The following CUX1 variants were observed in gnomAD, a reference collection of about 807,000 sequenced individuals.
CUX1 encodes protein CASP.
A neutral mutation model predicts 158.8 loss-of-function variants in CUX1; 31 were observed. That is an observed-to-expected ratio of 0.20 (90% CI 0.15 to 0.26). The LOEUF (loss-of-function observed/expected upper bound fraction) is 0.26. Among genes scored for constraint, CUX1 ranks in the 10% least tolerant of loss-of-function variants. The pLI is 1.00. For synonymous variants in CUX1, 879 were observed against 862.1 expected, an observed-to-expected ratio of 1.02 and a Z score of -0.34; for missense variants, 1,589 against 2,014.6, an observed-to-expected ratio of 0.79 and a Z score of 4.04.
intron 11 of CUX1, among the ~76,000 whole-genome samples, chr7:102,182,480 C>CTGGTATCCTTG (rs1259112278): frequency 6.6e-6 from 1 of 152,228 alleles, no homozygotes; most frequent in Admixed American, 6.5e-5. Context: ...TACCAGACAG[C>CTGGTATCCTTG]TGCACATCTT....
chr7:101,984,109 T>TAC lies in CUX1; in HGVS notation c.142-43988_142-43987insCA, dbSNP rs1813906608. On this transcript the variant is annotated intron_variant, in intron 2 of 23. Coordinates refer to ENST00000292535, the MANE Select transcript of CUX1 (RefSeq NM_181552.4). ...AAAAAAATATATATATATATATATATATATATATATATATATATATACACA... is the reference window on the plus strand; with the variant it reads ...AAAAAAATATATATATATATATATATACATATATATATATATATATATACACA... 1.5e-4 allele frequency among the ~76,000 whole-genome samples: 6 copies of TAC among 39,944 alleles called. 1 individual carries two copies. Among genetic ancestry groups the TAC allele is most frequent in the African/African-American group, 5.6e-4 (6 of 10,802 alleles). 26.2% of individuals were successfully genotyped at this position (39,944 alleles called of 152,430 possible). A position where few individuals can be genotyped will look rare whatever the true frequency, so the allele number is the denominator to read the frequency against.
chr7:101,820,061 A>C (rs942835864), intron 1 of CUX1, among the ~76,000 whole-genome samples: 62 of 152,236 alleles, frequency 4.1e-4, no homozygotes, highest in African/African-American at 1.2e-3. Context: ...ATCAGGGTTT[A>C]TATGGGAGCT....
chr7:102,242,205 C>CTTTTTTT (rs67514665), intron 23 of CUX1, among the ~76,000 whole-genome samples: 170 of 92,934 alleles, frequency 1.8e-3, no homozygotes, highest in East Asian at 3.5e-3. Flanking sequence ...TTCTTTCTTT[C>CTTTTTTT]TTTTTTTTTT....
intron 1 of CUX1, among the ~76,000 whole-genome samples, chr7:101,907,716 A>G (rs1278594096): frequency 6.6e-6 from 1 of 152,108 alleles, no homozygotes; most frequent in Non-Finnish European, 1.5e-5. Flanking sequence ...CTTTAAATGG[A>G]GCCCACGAAG....
intron 1 of CUX1, among the ~76,000 whole-genome samples, chr7:101,839,230 G>T (rs1053362176): frequency 2.0e-5 from 3 of 152,190 alleles, no homozygotes; most frequent in African/African-American, 7.2e-5. Context: ...AGTTCAGTCC[G>T]TAGCAGCACC....
chr7:102,248,837 C>T lies in CUX1; in HGVS notation c.4313C>T (p.Ala1438Val), dbSNP rs782771255. The T allele has an allele frequency of 4.1e-6, 5 of 1,219,004 alleles. No individual in the cohort carries two copies. Among genetic ancestry groups the T allele is most frequent in the Non-Finnish European group, 4.1e-6 (4 of 973,532 alleles). 75.5% of individuals were successfully genotyped at this position (1,219,004 alleles called of 1,614,324 possible). The change falls in exon 24 of 24, where the codon GCG (alanine) becomes GTG (valine). Residue 1438 changes from alanine to valine, a missense_variant. By Grantham distance (64) the Ala-to-Val change is moderately conservative. Transcript: ENST00000292535. This position sits in a 1 kb window ranked among gnomAD's most constrained non-coding sequence, Gnocchi z 5.8. ...GAGGGCCCCGCGGCCCCGAGCTCCGCGCCGCCGCCCAGCAACAGCAGCAGC... is the reference window on the plus strand; with the variant it reads ...GAGGGCCCCGCGGCCCCGAGCTCCGTGCCGCCGCCCAGCAACAGCAGCAGC... ...PGEGPAAPSSAPPPSNSSSSS... is the reference protein window; with the variant it reads ...PGEGPAAPSSVPPPSNSSSSS...
chr7:102,281,986 A>G, intron 21 of CUX1: 2 of 1,154,064 alleles, frequency 1.7e-6, no homozygotes, highest in Non-Finnish European at 2.6e-6. Context: ...CCAGGGCAGC[A>G]GGGGCCTGTT....
chr7:102,255,477 ACT>A lies in CUX1; in HGVS notation c.*6438_*6439del. ...ACTTCCCCCATGCCCCCGTTCTTAA[ACT>A]CTTAAGATGCCTTTGAGTTGCTTTT... On this transcript the variant is annotated 3_prime_UTR_variant, in exon 24 of 24. Coordinates refer to ENST00000292535, the MANE Select transcript of CUX1 (RefSeq NM_181552.4). The A allele has an allele frequency of 1.0e-6, 1 of 984,942 alleles. No homozygotes were observed. 61.0% of individuals were successfully genotyped at this position (984,942 alleles called of 1,614,324 possible). A position where few individuals can be genotyped will look rare whatever the true frequency, so the allele number is the denominator to read the frequency against.
rs376965596 is a variant in CUX1 at position 102,081,659 on chromosome 7, G to A, written c.268+11242G>A. ...TTTCTTTTTTGTTTTTTTTGAGATG[G>A]AGTCTCACCATCGCCCAAGCTGGAG... On this transcript the variant is annotated intron_variant, in intron 4 of 23. Transcript: ENST00000292535. 2.9e-4 allele frequency among the ~76,000 whole-genome samples: 42 copies of A among 146,074 alleles called. 1 individual carries two copies. The highest frequency in any genetic ancestry group is 8.8e-4 in the African/African-American group (36 of 40,940).
At chr7:102,016,903 T>G (rs1818662748) in intron 2 of CUX1, among the ~76,000 whole-genome samples, 1 of 152,192 alleles carries the variant, frequency 6.6e-6, no homozygotes, top group African/African-American at 2.4e-5. Context: ...GTGGCAAAAG[T>G]CGGAGTCACA....
intron 8 of CUX1, among the ~76,000 whole-genome samples, chr7:102,116,192 C>T (rs1258203001): frequency 1.3e-5 from 2 of 152,166 alleles, no homozygotes; most frequent in Non-Finnish European, 2.9e-5. Context: ...CCCTCTGCCC[C>T]ATCTCACGTG....
intron 20 of CUX1, among the ~76,000 whole-genome samples, chr7:102,222,232 C>A (rs1797875722): frequency 6.6e-6 from 1 of 152,118 alleles, no homozygotes; most frequent in Admixed American, 6.6e-5. Context: ...GAACCATGAT[C>A]ACACCACTGC....
chr7:102,016,398 A>T (rs1395212725), intron 2 of CUX1, among the ~76,000 whole-genome samples: 1 of 152,232 alleles, frequency 6.6e-6, no homozygotes, highest in Non-Finnish European at 1.5e-5. Context: ...GTCTCTGCTC[A>T]TGATTGAAGG....
intron 3 of CUX1, among the ~76,000 whole-genome samples, chr7:102,033,052 G>A (rs1269794597): frequency 1.3e-5 from 2 of 152,290 alleles, no homozygotes; most frequent in African/African-American, 2.4e-5. Flanking sequence ...CTTGGTAGTG[G>A]GGGACAAGTG....
chr7:102,085,039 T>C (rs1186274819), intron 4 of CUX1, among the ~76,000 whole-genome samples: 1 of 152,052 alleles, frequency 6.6e-6, no homozygotes, highest in Non-Finnish European at 1.5e-5. Context: ...ATGGAAATTC[T>C]CTCCTATTCC....
intron 14 of CUX1, among the ~76,000 whole-genome samples, chr7:102,266,747 G>A (rs1790839049): frequency 6.6e-6 from 1 of 152,196 alleles, no homozygotes; most frequent in South Asian, 2.1e-4. Flanking sequence ...CAGCTCAGAT[G>A]AGAGCCGAAA....
rs1792038077 is a variant in CUX1, at chr7:101,817,763, C to G, written c.30+94C>G. ...CCCGGGTCCCGCGGCTTAGAATGCTCTAGGGCGGCCTGGTGCTCTGGGAGG... is the reference window on the plus strand; with the variant it reads ...CCCGGGTCCCGCGGCTTAGAATGCTGTAGGGCGGCCTGGTGCTCTGGGAGG... On this transcript the variant is annotated intron_variant, in intron 1 of 23. Coordinates refer to ENST00000292535, the MANE Select transcript of CUX1 (RefSeq NM_181552.4). This position sits in a 1 kb window ranked among gnomAD's most constrained non-coding sequence, Gnocchi z 4.1. The G allele has an allele frequency of 1.4e-6, 2 of 1,467,378 alleles. No individual in the cohort carries two copies. The highest frequency in any genetic ancestry group is 1.4e-5 in the African/African-American group (1 of 71,266). The allele number at this position is 1,467,378 out of a possible 1,614,324, so 90.9% of individuals were successfully genotyped here.
At position 101,848,142 on chromosome 7, in the gene CUX1, A is replaced by G. The variant is rs959245132; in HGVS notation, c.30+30473A>G. ...TGGTCATAATCTGGCCTTAGGGGCTATAGCATCAATGGTGAGGCCTAGATC... is the reference window on the plus strand; with the variant it reads ...TGGTCATAATCTGGCCTTAGGGGCTGTAGCATCAATGGTGAGGCCTAGATC... On this transcript the variant is annotated intron_variant, in intron 1 of 23. Transcript: ENST00000292535. Among the ~76,000 whole-genome samples, 8 of 152,012 alleles carry G rather than the reference A, an allele frequency of 5.3e-5. No individual in the cohort carries two copies. In the East Asian group the frequency reaches 1.4e-3, roughly 26 times the overall value.
At chr7:102,247,717 A>G (rs1800969108) in intron 23 of CUX1, among the ~76,000 whole-genome samples, 1 of 152,192 alleles carries the variant, frequency 6.6e-6, no homozygotes, top group African/African-American at 2.4e-5. Context: ...GCTACTCAGG[A>G]GGCTCAGATG....
Sources: allele counts gnomAD v4.1 joint callset (sites outside exome capture counted in the v4.1 genomes callset), GRCh38; gene constraint gnomAD v4.1.1; non-coding constraint Gnocchi (gnomAD v3.1); transcripts MANE v1.5; gene names NCBI Gene and HGNC (gene_info 2026-07-23, HGNC 2026-07-21).